THRAP3: variants seen among roughly 807,000 people sequenced by gnomAD.
THRAP3 encodes the protein thyroid hormone receptor associated protein 3.
In THRAP3, 16 loss-of-function variants were observed where a neutral mutation model predicts 101.0. The observed-to-expected ratio is 0.16, with a 90% CI of 0.11 to 0.24. THRAP3 has a LOEUF of 0.24. Among genes scored for constraint, THRAP3 ranks in the 10% least tolerant of loss-of-function variants. The pLI is 1.00. For missense variants in THRAP3, 989 were observed against 1,202.7 expected (o/e 0.82, Z 2.63); for synonymous variants, 407 against 422.6 (o/e 0.96, Z 0.45).
chr1:36,224,220 G>C (rs947061480), upstream of THRAP3, among the ~76,000 whole-genome samples: 1 of 152,228 alleles, frequency 6.6e-6, no homozygotes, highest in Non-Finnish European at 1.5e-5. Flanking sequence ...CCACCCAGGC[G>C]GGGGGAGGGG....
intron 1 of THRAP3, among the ~76,000 whole-genome samples, chr1:36,236,474 T>C (rs1211985085): frequency 2.0e-5 from 3 of 151,906 alleles, no homozygotes; most frequent in African/African-American, 7.3e-5. Context: ...CCCCTTTCCT[T>C]TTCCTCCTTC....
intron 4 of THRAP3, 79 bp downstream of exon 4, chr1:36,287,349 G>A (rs2124600882): frequency 6.9e-7 from 1 of 1,455,796 alleles, no homozygotes; most frequent in Admixed American, 2.6e-5. Context: ...ATCTAAGTTA[G>A]AGCTCTGATT....
intron 8 of THRAP3, among the ~76,000 whole-genome samples, chr1:36,295,885 T>C (rs1470226624): frequency 6.6e-6 from 1 of 150,376 alleles, no homozygotes; most frequent in African/African-American, 2.4e-5. Flanking sequence ...GCTTTTCTAC[T>C]CTTAGTGGTG....
rs1192774288 is a variant in THRAP3 at position 36,302,986 on chromosome 1, G to C, written c.2647-810G>C. The stretch of plus-strand genomic sequence containing the variant: ...AGCCCCAGCCCCAACATTGGATTCT[G>C]AGCATTTGGAGTGCAGTGGTATGAT... On this transcript the variant is annotated intron_variant, in intron 11 of 11. Transcript: ENST00000354618. Among the ~76,000 whole-genome samples the C allele has an allele frequency of 2.6e-5, 4 of 152,252 alleles. No homozygotes were observed. The East Asian group carries it at 7.7e-4, about 29-fold the overall frequency.
Position 36,287,238 on chromosome 1 carries a change from T to A in THRAP3, c.1008T>A (p.Ser336Arg), listed in dbSNP as rs754986780. 6.2e-7 allele frequency: 1 copy of A among 1,612,674 alleles called. No individual in the cohort carries two copies. The highest frequency in any genetic ancestry group is 1.3e-5 in the African/African-American group (1 of 74,840). The change falls in exon 4 of 12, where the codon AGT (serine) becomes AGA (arginine). Residue 336 changes from serine (S) to arginine (R), a missense_variant. Transcript: ENST00000354618. ...STYGSSQKEE[S>R]AASGGAAYTK... The stretch of plus-strand genomic sequence containing the variant: ...ATGGCTCATCTCAGAAGGAGGAGAG[T>A]GCTGCTTCAGGAGGAGCAGCCTATA...
At chr1:36,289,951 G>A (rs1400449738) in intron 5 of THRAP3, among the ~76,000 whole-genome samples, 187 bp downstream of exon 5, 1 of 152,160 alleles carries the variant, frequency 6.6e-6, no homozygotes, top group African/African-American at 2.4e-5. Context: ...TTGAAGGGGG[G>A]CAGTATCCCT....
chr1:36,213,535 T>C, the THRAP3 span, among the ~76,000 whole-genome samples: 2 of 151,870 alleles, frequency 1.3e-5, no homozygotes, highest in Non-Finnish European at 2.9e-5. Flanking sequence ...ATTTTGAAGC[T>C]GGGTGATCAG....
chr1:36,244,183 T>C (rs1309534457), intron 1 of THRAP3, among the ~76,000 whole-genome samples: 1 of 152,244 alleles, frequency 6.6e-6, no homozygotes, highest in Non-Finnish European at 1.5e-5. Context: ...TGGATTAGTA[T>C]AAGCTGCAAA....
chr1:36,223,673 T>C (rs1415680750), upstream of THRAP3, among the ~76,000 whole-genome samples: 1 of 152,160 alleles, frequency 6.6e-6, no homozygotes, highest in African/African-American at 2.4e-5. Flanking sequence ...CGGTTTAAAA[T>C]GTAGACTGCA....
chr1:36,259,380 A>G lies in THRAP3; in HGVS notation c.-134-2A>G, dbSNP rs942346726. On this transcript the variant is annotated splice_acceptor_variant, in intron 1 of 11. Coordinates refer to ENST00000354618, the MANE Select transcript of THRAP3 (RefSeq NM_005119.4). LOFTEE classifies it low-confidence loss of function (5UTR_SPLICE). The stretch of plus-strand genomic sequence containing the variant: ...ATCACTACTTATTTTCTCTCATTTC[A>G]GAAGTGTATGCTGACTTGTAAAGTG... The G allele has an allele frequency of 7.5e-6, 3 of 398,486 alleles. No individual in the cohort carries two copies. Among genetic ancestry groups the G allele is most frequent in the Non-Finnish European group, 1.3e-5 (3 of 226,070 alleles). The allele number at this position is 398,486 out of a possible 1,614,324, so 24.7% of individuals were successfully genotyped here.
At chr1:36,295,954 C>CTTTTTTTTTTTTTTTTTTTTT (rs575028397) in intron 8 of THRAP3, among the ~76,000 whole-genome samples, 1 of 60,488 alleles carries the variant, frequency 1.7e-5, no homozygotes, top group African/African-American at 7.3e-5. Context: ...GCCTTCTCAA[C>CTTTTTTTTTTTTTTTTTTTTT]TTTTTTTTTT....
intron 2 of THRAP3, among the ~76,000 whole-genome samples, chr1:36,277,374 A>G (rs533473478): frequency 7.8e-4 from 117 of 149,434 alleles, no homozygotes; most frequent in African/African-American, 2.5e-3. Flanking sequence ...TACTTTTTGT[A>G]TATTTAGTAG....
rs144385593 is a variant in THRAP3, at chr1:36,251,547, C to T, written c.-134-7835C>T. ...GAATTAGGCATAGGCTTGGGTTTGTCGTTGACAGAGCCTACTGCTCTTTTT... is the reference window on the plus strand; with the variant it reads ...GAATTAGGCATAGGCTTGGGTTTGTTGTTGACAGAGCCTACTGCTCTTTTT... On this transcript the variant is annotated intron_variant, in intron 1 of 11. Coordinates refer to ENST00000354618, the MANE Select transcript of THRAP3 (RefSeq NM_005119.4). 3.8e-3 allele frequency among the ~76,000 whole-genome samples: 586 copies of T among 152,246 alleles called. 1 individual carries two copies. Among genetic ancestry groups the T allele is most frequent in the Non-Finnish European group, 6.1e-3 (414 of 68,018 alleles).
rs77271704 is a variant in THRAP3 at position 36,260,307 on chromosome 1, A to C, written c.-32+823A>C. Among the ~76,000 whole-genome samples the C allele has an allele frequency of 9.6e-3, 1,465 of 152,214 alleles. 17 individuals are homozygous for C. Among genetic ancestry groups the C allele is most frequent in the African/African-American group, 0.034 (1,404 of 41,548 alleles). ...AACACTATAGTAGACATACCAGACC[A>C]TCAGCTCCCTAGGGCTCTTTATGAA... is the stretch of plus-strand genomic sequence containing the variant. On this transcript the variant is annotated intron_variant, in intron 2 of 11. Transcript: ENST00000354618.
intron 1 of THRAP3, among the ~76,000 whole-genome samples, chr1:36,238,219 C>T (rs770204933): frequency 1.9e-4 from 29 of 152,118 alleles, no homozygotes; most frequent in Non-Finnish European, 3.7e-4. Flanking sequence ...CTGCCCACCT[C>T]AGCTTCCTCA....
chr1:36,292,025 G>A (rs1345122716), intron 6 of THRAP3, among the ~76,000 whole-genome samples: 2 of 152,012 alleles, frequency 1.3e-5, no homozygotes, highest in Non-Finnish European at 2.9e-5. Context: ...AGCAAGAGTT[G>A]GTGCTGTGCT....
chr1:36,218,003 C>A, the THRAP3 span, among the ~76,000 whole-genome samples: 1 of 152,134 alleles, frequency 6.6e-6, no homozygotes, highest in South Asian at 2.1e-4. Context: ...ATGTCAAAAG[C>A]CTAGACAGGC....
At chr1:36,210,746 A>ATCATATATATATATC in the THRAP3 span, among the ~76,000 whole-genome samples, 2 of 98,866 alleles carry the variant, frequency 2.0e-5, no homozygotes, top group Admixed American at 1.4e-4. Context: ...TCATATATAT[A>ATCATATATATATATC]AAGTGTCAGC....
chr1:36,269,081 G>T (rs1369989697), intron 2 of THRAP3, among the ~76,000 whole-genome samples: 1 of 135,924 alleles, frequency 7.4e-6, no homozygotes, highest in African/African-American at 2.6e-5. Flanking sequence ...TTTTGTCTTG[G>T]CAGTTACCTT....
Sources: gnomAD v4.1 joint callset for allele counts (sites outside exome capture counted in the v4.1 genomes callset) on GRCh38, gnomAD v4.1.1 for gene constraint, MANE v1.5 for transcripts, NCBI Gene and HGNC (gene_info 2026-07-23, HGNC 2026-07-21) for gene names.